The following CACNB2 variants were observed in gnomAD, a reference collection of about 807,000 sequenced individuals.
CACNB2 encodes the protein voltage-dependent L-type calcium channel subunit beta-2.
In CACNB2, 42 loss-of-function variants were observed where a neutral mutation model predicts 73.3. The observed-to-expected ratio is 0.57, with a 90% CI of 0.45 to 0.74. CACNB2 has a LOEUF of 0.74. CACNB2 is among the 30% of genes least tolerant of loss of function. The pLI is 0.00. For synonymous variants in CACNB2, 348 were observed against 310.3 expected (o/e 1.12, Z -1.28); for missense variants, 940 against 853.0 (o/e 1.10, Z -1.27).
chr10:18,340,673 C>A lies in CACNB2; in HGVS notation c.214-61251C>A, dbSNP rs117558767. 6,946 of 1,386,050 alleles carry A rather than the reference C, an allele frequency of 5.0e-3. 131 individuals are homozygous for A. The highest frequency in any genetic ancestry group is 0.039 in the South Asian group (2,495 of 63,552). The allele number at this position is 1,386,050 out of a possible 1,614,324, so 85.9% of individuals were successfully genotyped here. On this transcript the variant is annotated intron_variant, in intron 2 of 13. Transcript: ENST00000324631. ...GAGGAGAATAAGACCCTCCCACTTG[C>A]GTTTGTTAATTGACTTTGATGAGCT...
At chr10:18,387,390 G>A (rs148269734) in intron 2 of CACNB2, among the ~76,000 whole-genome samples, 119 of 152,188 alleles carry the variant, frequency 7.8e-4, no homozygotes, top group African/African-American at 2.6e-3. Flanking sequence ...TCCCTCACTC[G>A]ACTGGGAACC....
chr10:18,190,097 C>T (rs776538554), intron 2 of CACNB2, among the ~76,000 whole-genome samples: 7 of 152,244 alleles, frequency 4.6e-5, no homozygotes, highest in East Asian at 3.9e-4. Flanking sequence ...CTCTTACCCC[C>T]GAAGCCCTTC....
intron 10 of CACNB2, among the ~76,000 whole-genome samples, chr10:18,528,637 A>G (rs1476598409): frequency 1.3e-5 from 2 of 152,234 alleles, no homozygotes; most frequent in Non-Finnish European, 2.9e-5. Flanking sequence ...TATGTTAGCA[A>G]TGAGCATGAT....
At chr10:18,430,248 G>A (rs189161757) in intron 3 of CACNB2, among the ~76,000 whole-genome samples, 274 of 152,166 alleles carry the variant, frequency 1.8e-3, no homozygotes, top group Non-Finnish European at 3.0e-3. Flanking sequence ...ATTGAGACGC[G>A]TCTAAACACA....
chr10:18,420,675 A>G (rs2045270663), intron 3 of CACNB2, among the ~76,000 whole-genome samples: 2 of 152,324 alleles, frequency 1.3e-5, no homozygotes, highest in Non-Finnish European at 2.9e-5. Context: ...CCTCACAGAC[A>G]TACCCAGAAA....
At position 18,539,511 on chromosome 10, in the gene CACNB2, CAG is replaced by C. The variant is rs754910522; in HGVS notation, c.1774_1775del (p.Asp592ArgfsTer7). 2 of 1,613,872 alleles carry C rather than the reference CAG, an allele frequency of 1.2e-6. No homozygotes were observed. Among genetic ancestry groups the C allele is most frequent in the South Asian group, 1.1e-5 (1 of 91,058 alleles). On this transcript the variant is annotated frameshift_variant, in exon 14 of 14. Coordinates refer to ENST00000324631, the MANE Select transcript of CACNB2 (RefSeq NM_201596.3). LOFTEE classifies it high-confidence loss of function. ...ATGCCTCACACCGTGACCACAACCA[CAG>C]AGACGAGACCCACGGGAGCAGTGAC... is the stretch of plus-strand genomic sequence containing the variant. Reference protein sequence around the residue: ...HYASHRDHNHRDETHGSSDHR... With the variant: ...HYASHRDHNHXDETHGSSDHR...
chr10:18,324,157 A>G (rs2040494478), intron 2 of CACNB2, among the ~76,000 whole-genome samples: 2 of 152,188 alleles, frequency 1.3e-5, no homozygotes, highest in South Asian at 4.1e-4. Context: ...GGTACCATCT[A>G]TGTGTTTCTG....
chr10:18,167,360 C>T (rs1480228432), intron 2 of CACNB2, among the ~76,000 whole-genome samples: 1 of 152,114 alleles, frequency 6.6e-6, no homozygotes, highest in East Asian at 1.9e-4. Context: ...ACTGTGTTCA[C>T]TATTGGGGTG....
chr10:18,477,761 G>A (rs1015090572), intron 3 of CACNB2, among the ~76,000 whole-genome samples: 7 of 152,152 alleles, frequency 4.6e-5, no homozygotes, highest in East Asian at 1.9e-4. Context: ...ATATTCCTCC[G>A]GCTTTCAGTA....
At chr10:18,233,097 A>G (rs1219110100) in intron 2 of CACNB2, among the ~76,000 whole-genome samples, 1 of 152,176 alleles carries the variant, frequency 6.6e-6, no homozygotes, top group Non-Finnish European at 1.5e-5. Context: ...ATAAATAAAT[A>G]GTTTAGAGAG....
chr10:18,217,462 C>T (rs567388736), intron 2 of CACNB2, among the ~76,000 whole-genome samples: 23 of 151,418 alleles, frequency 1.5e-4, no homozygotes, highest in African/African-American at 3.4e-4. Flanking sequence ...CCAGCCTGGG[C>T]GACAGAGTGA....
chr10:18,185,594 C>T (rs1588648404), intron 2 of CACNB2, among the ~76,000 whole-genome samples: 1 of 152,240 alleles, frequency 6.6e-6, no homozygotes, highest in East Asian at 1.9e-4. Flanking sequence ...TATATACTAA[C>T]TGAAATAGTA....
chr10:18,352,816 GT>G, intron 2 of CACNB2, among the ~76,000 whole-genome samples: 2 of 152,280 alleles, frequency 1.3e-5, no homozygotes, highest in Admixed American at 1.3e-4. Flanking sequence ...ATTTTCTCAT[GT>G]TCTGGGCAAA....
intron 2 of CACNB2, among the ~76,000 whole-genome samples, chr10:18,303,445 C>A (rs1004030515): frequency 2.0e-5 from 3 of 152,040 alleles, no homozygotes; most frequent in Non-Finnish European, 4.4e-5. Context: ...GGGAAGGCTG[C>A]AGTGAGCCAT....
rs1036940371 is a variant in CACNB2, at chr10:18,262,605, C to A, written c.213+111630C>A. Among the ~76,000 whole-genome samples the A allele has an allele frequency of 2.0e-5, 3 of 152,082 alleles. No individual in the cohort carries two copies. The South Asian group carries it at 6.2e-4, about 32-fold the overall frequency. Reference sequence around the variant, plus strand: ...AAATAAGATTTGGGAATAAGTGTTACAAACTTTTTAGAGTATAAGATTAGC... The same window carrying A: ...AAATAAGATTTGGGAATAAGTGTTAAAAACTTTTTAGAGTATAAGATTAGC... On this transcript the variant is annotated intron_variant, in intron 2 of 13. Coordinates refer to ENST00000324631, the MANE Select transcript of CACNB2 (RefSeq NM_201596.3).
intron 6 of CACNB2, among the ~76,000 whole-genome samples, chr10:18,512,408 T>C (rs573262672): frequency 3.7e-4 from 56 of 152,344 alleles, no homozygotes; most frequent in Non-Finnish European, 4.9e-4. Flanking sequence ...CCCTGAATCA[T>C]TGGCCTTGTG....
At chr10:18,395,425 C>T (rs190803287) in intron 2 of CACNB2, among the ~76,000 whole-genome samples, 10 of 152,064 alleles carry the variant, frequency 6.6e-5, no homozygotes, top group East Asian at 3.9e-4. Context: ...CTCTCATAGC[C>T]GTTATTTTTC....
intron 2 of CACNB2, among the ~76,000 whole-genome samples, chr10:18,375,299 A>G (rs1032510158): frequency 1.3e-5 from 2 of 152,130 alleles, no homozygotes; most frequent in African/African-American, 4.8e-5. Context: ...CCAATCCTGC[A>G]CCAATGCCAT....
intron 10 of CACNB2, 94 bp from the exon 11 acceptor site, chr10:18,533,982 C>A (rs1448993369): frequency 8.5e-6 from 10 of 1,172,502 alleles, no homozygotes; most frequent in African/African-American, 1.5e-5. Context: ...AACATAATGG[C>A]TGACCTACTC....
Sources: allele counts gnomAD v4.1 joint callset (sites outside exome capture counted in the v4.1 genomes callset), GRCh38; gene constraint gnomAD v4.1.1; transcripts MANE v1.5; gene names NCBI Gene and HGNC (gene_info 2026-07-23, HGNC 2026-07-21).